SNTG1: variants seen among roughly 807,000 people sequenced by gnomAD.
SNTG1 encodes gamma-1-syntrophin.
SNTG1 carries 39 observed loss-of-function variants against 74.7 expected under a neutral mutation model. That is an observed-to-expected ratio of 0.52 (90% confidence interval 0.40 to 0.68). The LOEUF (loss-of-function observed/expected upper bound fraction) is 0.68, where lower values mean the gene tolerates loss of function less well. SNTG1 is among the 30% of genes least tolerant of loss of function. The pLI is 0.00. For missense variants in SNTG1, 685 were observed against 609.5 expected (o/e 1.12, Z -1.30); for synonymous variants, 254 against 217.1 (o/e 1.17, Z -1.49).
intron 4 of SNTG1, among the ~76,000 whole-genome samples, chr8:50,408,949 T>C (rs891069910): frequency 3.3e-5 from 5 of 152,126 alleles, no homozygotes; most frequent in Non-Finnish European, 7.4e-5. Context: ...AAACAGGTAA[T>C]ACAGGGTCAG....
At chr8:50,621,973 G>A (rs2094925955) in intron 13 of SNTG1, among the ~76,000 whole-genome samples, 1 of 152,132 alleles carries the variant, frequency 6.6e-6, no homozygotes, top group Non-Finnish European at 1.5e-5. Context: ...TATGGGCTAG[G>A]TGTCAAATGC....
chr8:50,049,426 T>C (rs949007215), intron 1 of SNTG1, among the ~76,000 whole-genome samples: 3 of 152,196 alleles, frequency 2.0e-5, no homozygotes, highest in Non-Finnish European at 1.5e-5. Flanking sequence ...TATGCATGGA[T>C]TGATTCATCA....
chr8:50,242,138 T>C (rs1334876729), intron 2 of SNTG1, among the ~76,000 whole-genome samples: 1 of 151,998 alleles, frequency 6.6e-6, no homozygotes, highest in Non-Finnish European at 1.5e-5. Flanking sequence ...TATACATACA[T>C]ATACATATGT....
At chr8:50,485,622 C>A (rs990953666) in intron 8 of SNTG1, among the ~76,000 whole-genome samples, 1 of 149,244 alleles carries the variant, frequency 6.7e-6, no homozygotes, top group African/African-American at 2.5e-5. Flanking sequence ...TTGTAGGTTG[C>A]CTGTTCACTC....
intron 1 of SNTG1, among the ~76,000 whole-genome samples, chr8:50,148,992 T>A (rs910715048): frequency 2.6e-5 from 4 of 152,190 alleles, no homozygotes; most frequent in Non-Finnish European, 5.9e-5. Flanking sequence ...CCACAATGGT[T>A]GAATTAGTTT....
chr8:50,031,746 A>AT (rs1408089899), intron 1 of SNTG1, among the ~76,000 whole-genome samples: 3 of 151,958 alleles, frequency 2.0e-5, no homozygotes, highest in Non-Finnish European at 1.5e-5. Flanking sequence ...TTTGTTAACA[A>AT]TTTTTTATCT....
intron 1 of SNTG1, among the ~76,000 whole-genome samples, chr8:49,999,555 C>G (rs1441232415): frequency 1.3e-5 from 2 of 152,130 alleles, no homozygotes; most frequent in Admixed American, 1.3e-4. Context: ...ACCATTCGTC[C>G]CTATTCTTTT....
chr8:49,999,581 C>T (rs2130427804), intron 1 of SNTG1, among the ~76,000 whole-genome samples: 1 of 152,272 alleles, frequency 6.6e-6, no homozygotes, highest in East Asian at 1.9e-4. Context: ...ATTCTCTAGG[C>T]CTACATGGGC....
At chr8:50,341,640 G>T (rs1034267922) in intron 2 of SNTG1, among the ~76,000 whole-genome samples, 1 of 151,880 alleles carries the variant, frequency 6.6e-6, no homozygotes, top group East Asian at 1.9e-4. Context: ...AAACATTGTA[G>T]TAAAAAATGT....
intron 1 of SNTG1, among the ~76,000 whole-genome samples, chr8:50,101,385 G>T (rs973427942): frequency 6.6e-6 from 1 of 151,994 alleles, no homozygotes; most frequent in African/African-American, 2.4e-5. Flanking sequence ...GAACTAATTT[G>T]CATTCCCACC....
rs1370096125 is a variant in SNTG1 at position 50,751,738 on chromosome 8, A to G, written c.1285-263A>G. On this transcript the variant is annotated intron_variant, in intron 17 of 18. Transcript: ENST00000642720. ...CATACAGTGCTTATTGACTGTGCAC[A>G]TAAGACAAGATACTAAGAGCAATTT... Among the ~76,000 whole-genome samples, 4 of 152,072 alleles carry G rather than the reference A, an allele frequency of 2.6e-5. No homozygotes were observed. The East Asian group carries it at 5.8e-4, about 22-fold the overall frequency.
intron 12 of SNTG1, among the ~76,000 whole-genome samples, chr8:50,582,651 GA>G (rs2094618304): frequency 6.6e-6 from 1 of 151,718 alleles, no homozygotes; most frequent in South Asian, 2.1e-4. Context: ...TACAATTCTA[GA>G]AAAAAACAGG....
At chr8:50,104,239 G>A (rs1044446504) in intron 1 of SNTG1, among the ~76,000 whole-genome samples, 1 of 152,060 alleles carries the variant, frequency 6.6e-6, no homozygotes, top group South Asian at 2.1e-4. Flanking sequence ...CAATTTCAGA[G>A]CCTGTTATTA....
intron 8 of SNTG1, among the ~76,000 whole-genome samples, chr8:50,461,159 GTGT>G (rs1189837630): frequency 3.2e-4 from 2 of 6,292 alleles, no homozygotes; most frequent in Non-Finnish European, 1.4e-3. Flanking sequence ...TTTTTCTGGT[GTGT>G]GTGTGTGTGT....
At chr8:50,779,771 G>C (rs987182792) in intron 18 of SNTG1, among the ~76,000 whole-genome samples, 2 of 147,520 alleles carry the variant, frequency 1.4e-5, no homozygotes, top group Non-Finnish European at 3.0e-5. Context: ...AGGGCATCCT[G>C]TCTTGTGCCA....
intron 2 of SNTG1, among the ~76,000 whole-genome samples, chr8:50,357,741 T>C (rs2091857767): frequency 6.6e-6 from 1 of 152,182 alleles, no homozygotes. Context: ...TGATAACTGC[T>C]TAGTGGTGTG....
intron 1 of SNTG1, among the ~76,000 whole-genome samples, chr8:50,043,676 G>A (rs995623770): frequency 1.3e-5 from 2 of 152,200 alleles, no homozygotes; most frequent in African/African-American, 4.8e-5. Flanking sequence ...GAGAGTGGGT[G>A]GCTCCAGCTT....
intron 12 of SNTG1, among the ~76,000 whole-genome samples, chr8:50,590,562 A>G (rs1035342054): frequency 1.3e-5 from 2 of 152,096 alleles, no homozygotes; most frequent in African/African-American, 2.4e-5. Context: ...AAACCACAGA[A>G]AGTTACACTC....
At chr8:50,181,090 A>C (rs1043706924) in intron 2 of SNTG1, among the ~76,000 whole-genome samples, 23 of 152,060 alleles carry the variant, frequency 1.5e-4, no homozygotes, top group African/African-American at 5.6e-4. Context: ...GAAGTCTTGC[A>C]TTACTCCATT....
Sources: gnomAD v4.1 joint callset for allele counts (sites outside exome capture counted in the v4.1 genomes callset) on GRCh38, gnomAD v4.1.1 for gene constraint, MANE v1.5 for transcripts, NCBI Gene and HGNC (gene_info 2026-07-23, HGNC 2026-07-21) for gene names.